Variants in SASH1 observed in about 807,000 individuals in gnomAD.
The protein encoded by SASH1 is SAM and SH3 domain-containing protein 1.
Under a neutral mutation model 125.2 loss-of-function variants are expected in SASH1, and 44 were observed. The ratio of observed to expected loss-of-function variants is 0.35; its 90% CI spans 0.28 to 0.45. The LOEUF is 0.45. SASH1 is among the 20% of genes least tolerant of loss of function. The pLI, the probability that SASH1 is intolerant of heterozygous loss-of-function variation, is 1.00. For synonymous variants in SASH1, 639 were observed against 649.1 expected (o/e 0.98, Z 0.24); for missense variants, 1,426 against 1,614.5 (o/e 0.88, Z 2.00).
intron 8 of SASH1, chr6:148,513,220 G>T (rs966748501): frequency 1.0e-6 from 1 of 985,238 alleles, no homozygotes; most frequent in African/African-American, 1.7e-5. Context: ...GCTTGTTTTT[G>T]TTTTGTGTGT....
chr6:148,282,932 T>C (rs972450884), intron 1 of SASH1, among the ~76,000 whole-genome samples: 8 of 152,064 alleles, frequency 5.3e-5, no homozygotes, highest in African/African-American at 1.9e-4. Context: ...GCATAGCTCA[T>C]TTGTCTGCCA....
intron 17 of SASH1, among the ~76,000 whole-genome samples, chr6:148,542,533 C>A (rs1442735582): frequency 6.6e-6 from 1 of 152,112 alleles, no homozygotes. Flanking sequence ...ACTACAGGCG[C>A]CTGCCACCAT....
the SASH1 span, among the ~76,000 whole-genome samples, chr6:148,196,233 G>A: frequency 6.6e-6 from 1 of 152,186 alleles, no homozygotes; most frequent in Non-Finnish European, 1.5e-5. Flanking sequence ...ACTGGATCAT[G>A]CTTCTCTCAA....
chr6:148,448,621 C>G (rs6570849), intron 4 of SASH1, among the ~76,000 whole-genome samples: 105,163 of 151,992 alleles, frequency 0.69, 36,969 homozygotes, highest in East Asian at 0.85. Context: ...TGAGTGCACC[C>G]CAGGCTTTTT....
the SASH1 span, among the ~76,000 whole-genome samples, chr6:148,235,525 G>T: frequency 6.6e-6 from 1 of 152,042 alleles, no homozygotes; most frequent in Admixed American, 6.6e-5. Flanking sequence ...ATATGTATTT[G>T]TGCGTGGTTT....
chr6:148,411,710 ATT>A (rs1308853245), intron 2 of SASH1, among the ~76,000 whole-genome samples: 1 of 152,024 alleles, frequency 6.6e-6, no homozygotes, highest in Non-Finnish European at 1.5e-5. Context: ...CTTCCAAATA[ATT>A]TTTGTACTTT....
chr6:148,321,808 G>A (rs556794382), intron 1 of SASH1, among the ~76,000 whole-genome samples: 1 of 152,256 alleles, frequency 6.6e-6, no homozygotes, highest in South Asian at 2.1e-4. Context: ...TCCTTACTTA[G>A]AAGGTCTGAT....
chr6:148,284,336 G>C (rs1034844287), intron 1 of SASH1, among the ~76,000 whole-genome samples: 1 of 152,104 alleles, frequency 6.6e-6, no homozygotes, highest in African/African-American at 2.4e-5. Flanking sequence ...CTACTCAGGA[G>C]GCTGAGGCAT....
chr6:148,489,581 A>G (rs970432327), intron 8 of SASH1, among the ~76,000 whole-genome samples: 2 of 152,134 alleles, frequency 1.3e-5, no homozygotes, highest in Non-Finnish European at 2.9e-5. Context: ...ACTATACGAA[A>G]TCTTCCAGTC....
At chr6:148,467,874 T>A (rs981823018) in intron 4 of SASH1, among the ~76,000 whole-genome samples, 1 of 151,904 alleles carries the variant, frequency 6.6e-6, no homozygotes, top group African/African-American at 2.4e-5. Context: ...GAGGCGGAGG[T>A]TGCAGTGAGC....
chr6:148,305,334 G>T (rs145536974), intron 1 of SASH1, among the ~76,000 whole-genome samples: 1 of 152,168 alleles, frequency 6.6e-6, no homozygotes, highest in African/African-American at 2.4e-5. Context: ...TTGACAAGGC[G>T]CAGTGGCTCA....
intron 19 of SASH1, among the ~76,000 whole-genome samples, chr6:148,548,028 T>C (rs1253483058): frequency 6.6e-6 from 1 of 152,206 alleles, no homozygotes; most frequent in African/African-American, 2.4e-5. Context: ...ATGTAAATGC[T>C]TATAGTTTGA....
At chr6:148,296,130 G>T (rs1214923892) in intron 1 of SASH1, among the ~76,000 whole-genome samples, 1 of 151,576 alleles carries the variant, frequency 6.6e-6, no homozygotes, top group South Asian at 2.1e-4. Flanking sequence ...TTTTGTTTTT[G>T]TTGTTGTTGT....
At chr6:148,398,320 C>T (rs1052599202) in intron 2 of SASH1, among the ~76,000 whole-genome samples, 3 of 152,228 alleles carry the variant, frequency 2.0e-5, no homozygotes, top group Non-Finnish European at 4.4e-5. Flanking sequence ...TTGCCTGTGG[C>T]TTCACGCAGA....
chr6:148,298,543 A>T (rs1779824879), intron 1 of SASH1, among the ~76,000 whole-genome samples: 1 of 151,398 alleles, frequency 6.6e-6, no homozygotes, highest in African/African-American at 2.4e-5. Flanking sequence ...CAGGAGTCTA[A>T]GGTGGGAGGA....
intron 8 of SASH1, chr6:148,508,453 G>A (rs1779929499): frequency 5.0e-6 from 5 of 1,000,482 alleles, no homozygotes; most frequent in South Asian, 4.3e-5. Context: ...TCCATAGACA[G>A]TAATTAAGGA....
At position 148,543,888 on chromosome 6, in the gene SASH1, T is replaced by G; in HGVS notation, c.2418T>G (p.Gly806=). ...GCTGTGACCCACCTGGTGTGACTGG[T>G]TTGAATAAAAACCGAAGAAGCCTCC... The part of the protein sequence containing the change: ...SKSCDPPGVT[G]LNKNRRSLPV... The change falls in exon 18 of 20, where the codon GGT becomes GGG. Residue 806 remains glycine, a synonymous_variant. Coordinates refer to ENST00000367467, the MANE Select transcript of SASH1 (RefSeq NM_015278.5). The G allele has an allele frequency of 6.2e-7, 1 of 1,614,054 alleles. No individual in the cohort carries two copies. Among genetic ancestry groups the G allele is most frequent in the Non-Finnish European group, 8.5e-7 (1 of 1,180,012 alleles).
At chr6:148,344,490 T>C (rs1350414136) in intron 1 of SASH1, among the ~76,000 whole-genome samples, 1 of 152,186 alleles carries the variant, frequency 6.6e-6, no homozygotes, top group Non-Finnish European at 1.5e-5. Flanking sequence ...ATTCTTACTA[T>C]ACAGAGAACC....
intron 1 of SASH1, among the ~76,000 whole-genome samples, chr6:148,345,704 A>G (rs1781499618): frequency 6.6e-6 from 1 of 152,146 alleles, no homozygotes; most frequent in African/African-American, 2.4e-5. Flanking sequence ...AAGAGACACC[A>G]TTTCCTTCCT....
Sources: allele counts gnomAD v4.1 joint callset (sites outside exome capture counted in the v4.1 genomes callset), GRCh38; gene constraint gnomAD v4.1.1; transcripts MANE v1.5; gene names NCBI Gene and HGNC (gene_info 2026-07-23, HGNC 2026-07-21).